Variants in ENOX1 observed in about 807,000 individuals in gnomAD.
ENOX1 encodes the protein candidate growth-related and time keeping constitutive hydroquinone (NADH) oxidase.
ENOX1 carries 42 observed loss-of-function variants against 82.5 expected under a neutral mutation model. The ratio of observed to expected loss-of-function variants is 0.51; its 90% CI spans 0.40 to 0.66. The LOEUF (loss-of-function observed/expected upper bound fraction) is 0.66. Ranked by LOEUF, ENOX1 falls within the 30% of genes least tolerant of loss-of-function variation. ENOX1 has a pLI of 0.00. For missense variants in ENOX1, 608 were observed against 811.6 expected (o/e 0.75, Z 3.05); for synonymous variants, 271 against 282.2 (o/e 0.96, Z 0.40).
At chr13:43,709,258 T>C (rs1566807744) in intron 1 of ENOX1, among the ~76,000 whole-genome samples, 2 of 151,902 alleles carry the variant, frequency 1.3e-5, no homozygotes, top group Admixed American at 6.6e-5. Flanking sequence ...GGCCACAATA[T>C]TGAAAAACAC....
chr13:43,296,522 T>C (rs1259120526), intron 12 of ENOX1, among the ~76,000 whole-genome samples: 3 of 152,202 alleles, frequency 2.0e-5, no homozygotes, highest in Non-Finnish European at 2.9e-5. Flanking sequence ...CCTTCAGAAC[T>C]GTGAGACAAT....
At chr13:43,676,621 T>C (rs777304643) in intron 1 of ENOX1, among the ~76,000 whole-genome samples, 13 of 152,248 alleles carry the variant, frequency 8.5e-5, no homozygotes, top group Non-Finnish European at 1.8e-4. Flanking sequence ...TCTCTAATAA[T>C]ATTTTTCCAA....
At chr13:43,317,656 T>C (rs1168751571) in intron 11 of ENOX1, among the ~76,000 whole-genome samples, 1 of 151,854 alleles carries the variant, frequency 6.6e-6, no homozygotes, top group African/African-American at 2.4e-5. Flanking sequence ...CCTAATTTGA[T>C]TTAGTGGCTG....
chr13:43,496,633 C>T (rs12872109), intron 2 of ENOX1, among the ~76,000 whole-genome samples: 31,402 of 152,006 alleles, frequency 0.21, 3,981 homozygotes, highest in African/African-American at 0.35. Context: ...TCTCCCACCT[C>T]GGCCTCCCAC....
chr13:43,512,395 C>A (rs1485241025), intron 2 of ENOX1, among the ~76,000 whole-genome samples: 1 of 152,016 alleles, frequency 6.6e-6, no homozygotes, highest in East Asian at 1.9e-4. Flanking sequence ...TTAAAAAAAG[C>A]AACATTCTGA....
At chr13:43,533,520 G>A (rs890144274) in intron 2 of ENOX1, among the ~76,000 whole-genome samples, 4 of 152,030 alleles carry the variant, frequency 2.6e-5, no homozygotes, top group African/African-American at 9.7e-5. Context: ...CTACCTTCCT[G>A]TCCTCACTAC....
At chr13:43,296,430 G>T (rs1211748982) in intron 12 of ENOX1, among the ~76,000 whole-genome samples, 1 of 152,190 alleles carries the variant, frequency 6.6e-6, no homozygotes, top group Non-Finnish European at 1.5e-5. Flanking sequence ...CAGAATCTGG[G>T]AGAGAGGCAG....
rs144614083 is a variant in ENOX1 at position 43,560,070 on chromosome 13, C to T, written c.-218-75918G>A. ...GCATATACAGCTGCATATTTACACA[C>T]GTGTGTATTTGCTGGTACAGGCCTA... On this transcript the variant is annotated intron_variant, in intron 2 of 16. Transcript: ENST00000690772. Among the ~76,000 whole-genome samples, 376 of 152,208 alleles carry T rather than the reference C, an allele frequency of 2.5e-3. 3 individuals are homozygous for T. Among genetic ancestry groups the T allele is most frequent in the African/African-American group, 8.0e-3 (333 of 41,548 alleles).
intron 2 of ENOX1, among the ~76,000 whole-genome samples, chr13:43,519,782 A>G (rs1447488685): frequency 6.6e-6 from 1 of 152,136 alleles, no homozygotes; most frequent in African/African-American, 2.4e-5. Context: ...TTACCCCGTG[A>G]AGCCTGAAAT....
intron 3 of ENOX1, among the ~76,000 whole-genome samples, chr13:43,425,496 C>T (rs1051396389): frequency 3.3e-5 from 5 of 152,172 alleles, no homozygotes; most frequent in African/African-American, 9.7e-5. Flanking sequence ...CTTAAGAATG[C>T]CACATAAAAA....
At chr13:43,619,108 G>A (rs1027433658) in intron 2 of ENOX1, among the ~76,000 whole-genome samples, 5 of 151,754 alleles carry the variant, frequency 3.3e-5, no homozygotes, top group Admixed American at 3.3e-4. Context: ...AACTTCGCTG[G>A]ATTCTTTTAT....
intron 1 of ENOX1, among the ~76,000 whole-genome samples, chr13:43,692,457 A>G (rs1013422748): frequency 6.6e-6 from 1 of 151,220 alleles, no homozygotes; most frequent in African/African-American, 2.4e-5. Context: ...TTCAATTGGG[A>G]AAAAAAAATG....
At chr13:43,516,628 C>G (rs368731021) in intron 2 of ENOX1, among the ~76,000 whole-genome samples, 8 of 152,238 alleles carry the variant, frequency 5.3e-5, no homozygotes, top group African/African-American at 1.7e-4. Context: ...CAGGGAAGAA[C>G]AAAGCTGCAG....
At chr13:43,465,273 G>A (rs541895487) in intron 3 of ENOX1, among the ~76,000 whole-genome samples, 1 of 152,166 alleles carries the variant, frequency 6.6e-6, no homozygotes, top group East Asian at 1.9e-4. Context: ...TTATTTGTTC[G>A]ATTGTTTATT....
intron 14 of ENOX1, among the ~76,000 whole-genome samples, chr13:43,249,166 G>A (rs1483552433): frequency 1.3e-5 from 2 of 151,470 alleles, no homozygotes; most frequent in African/African-American, 2.4e-5. Context: ...CTAAAAATGA[G>A]AAAAAAAAAA....
chr13:43,703,892 A>G (rs2087073790), intron 1 of ENOX1, among the ~76,000 whole-genome samples: 2 of 152,092 alleles, frequency 1.3e-5, no homozygotes, highest in Admixed American at 1.3e-4. Context: ...TTTGCAATTT[A>G]TAGCAAAATG....
At chr13:43,499,823 G>A (rs532729751) in intron 2 of ENOX1, among the ~76,000 whole-genome samples, 1 of 152,122 alleles carries the variant, frequency 6.6e-6, no homozygotes, top group Admixed American at 6.6e-5. Flanking sequence ...AAGAAGCTCA[G>A]TGAGCTACAA....
At chr13:43,714,669 T>G (rs2087984747) in intron 1 of ENOX1, among the ~76,000 whole-genome samples, 1 of 152,212 alleles carries the variant, frequency 6.6e-6, no homozygotes, top group Admixed American at 6.5e-5. Context: ...CATTATGTAA[T>G]GGCCTTCTTT....
intron 1 of ENOX1, among the ~76,000 whole-genome samples, chr13:43,754,072 A>C: frequency 7.0e-6 from 1 of 142,326 alleles, no homozygotes; most frequent in Non-Finnish European, 1.5e-5. Context: ...ATATACGTAT[A>C]TAAATACACA....
Sources: gnomAD v4.1 joint callset for allele counts (sites outside exome capture counted in the v4.1 genomes callset) on GRCh38, gnomAD v4.1.1 for gene constraint, MANE v1.5 for transcripts, NCBI Gene and HGNC (gene_info 2026-07-23, HGNC 2026-07-21) for gene names.